The following AQP2 variants were observed in gnomAD, a reference collection of about 807,000 sequenced individuals.
AQP2 encodes aquaporin 2.
Under a neutral mutation model 21.6 loss-of-function variants are expected in AQP2, and 20 were observed. The ratio of observed to expected loss-of-function variants is 0.92; its 90% CI spans 0.65 to 1.34. AQP2 has a LOEUF of 1.34. AQP2 is among the 40% of genes most tolerant of loss of function. The pLI is 0.00. For synonymous variants in AQP2, 168 were observed against 166.9 expected (o/e 1.01, Z -0.05); for missense variants, 325 against 363.4 (o/e 0.89, Z 0.86).
intron 1 of AQP2, 113 bp downstream of exon 1, chr12:49,951,303 A>G (rs1210148486): frequency 1.4e-6 from 2 of 1,400,984 alleles, no homozygotes; most frequent in African/African-American, 2.9e-5. Flanking sequence ...ATGGAGACAG[A>G]GGCAGAGAGA....
chr12:49,951,540 C>A (rs563377708), intron 1 of AQP2: 2 of 308,896 alleles, frequency 6.5e-6, no homozygotes, highest in South Asian at 1.6e-4. Context: ...TTCCAAGCTG[C>A]GGGGAGCCTT....
rs1252893758 is a variant in AQP2 at position 49,957,082 on chromosome 12, C to T, written c.*1474C>T. ...ACTGTAATTCTTAATACCATTATCACGCATTACTAGAATCATTTCATTATT... is the reference window on the plus strand; with the variant it reads ...ACTGTAATTCTTAATACCATTATCATGCATTACTAGAATCATTTCATTATT... On this transcript the variant is annotated 3_prime_UTR_variant, in exon 4 of 4. Coordinates refer to ENST00000199280, the MANE Select transcript of AQP2 (RefSeq NM_000486.6). 1 of 152,664 alleles carries T rather than the reference C, an allele frequency of 6.6e-6. No homozygotes were observed. The highest frequency in any genetic ancestry group is 2.4e-5 in the African/African-American group (1 of 41,468). The allele number at this position is 152,664 out of a possible 1,614,324, so 9.5% of individuals were successfully genotyped here.
Position 49,957,835 on chromosome 12 carries a change from T to A in AQP2, c.*2227T>A, listed in dbSNP as rs1481896712. ...GCTATGAGCCCAGCATGGATGTGTC[T>A]CAGGCACCTCATCCCCACCCCACCT... On this transcript the variant is annotated 3_prime_UTR_variant, in exon 4 of 4. Coordinates refer to ENST00000199280, the MANE Select transcript of AQP2 (RefSeq NM_000486.6). The A allele has an allele frequency of 1.3e-5, 2 of 152,258 alleles. No individual in the cohort carries two copies. Among genetic ancestry groups the A allele is most frequent in the South Asian group, 2.1e-4 (1 of 4,824 alleles). The allele number at this position is 152,258 out of a possible 1,614,324, so 9.4% of individuals were successfully genotyped here. A position where few individuals can be genotyped will look rare whatever the true frequency, so the allele number is the denominator to read the frequency against.
In AQP2 at chr12:49,957,263, T is replaced by A. The variant is rs1947377927; in HGVS notation, c.*1655T>A. On this transcript the variant is annotated 3_prime_UTR_variant, in exon 4 of 4. Coordinates refer to ENST00000199280, the MANE Select transcript of AQP2 (RefSeq NM_000486.6). ...CTGGCCCCATCCTGGCCCAGCCTCT[T>A]AACCTCTTCTTACCCTGAATGTGTG... The A allele has an allele frequency of 6.6e-6, 1 of 152,206 alleles. No homozygotes were observed. Among genetic ancestry groups the A allele is most frequent in the Non-Finnish European group, 1.5e-5 (1 of 68,052 alleles). 9.4% of individuals were successfully genotyped at this position (152,206 alleles called of 1,614,324 possible). A position where few individuals can be genotyped will look rare whatever the true frequency, so the allele number is the denominator to read the frequency against.
At position 49,954,670 on chromosome 12, in the gene AQP2, T is replaced by C. The variant is rs1592816507; in HGVS notation, c.566T>C (p.Leu189Pro). Residue 189 changes from leucine to proline, a missense_variant, in exon 3 of 4, where the codon CTG becomes CCG. Transcript: ENST00000199280. ...TGCSMNPARS[L>P]APAVVTGKFD... is the part of the protein sequence containing the mutation. ...TGCTCTATGAATCCTGCCCGCTCCC[T>C]GGCTCCAGCTGTCGTCACTGGCAAA... 1 of 1,614,236 alleles carries C rather than the reference T, an allele frequency of 6.2e-7. No individual in the cohort carries two copies. Among genetic ancestry groups the C allele is most frequent in the Non-Finnish European group, 8.5e-7 (1 of 1,180,034 alleles).
chr12:49,955,737 T>G lies in AQP2; in HGVS notation c.*129T>G, dbSNP rs1266341949. 1 of 1,231,958 alleles carries G rather than the reference T, an allele frequency of 8.1e-7. No homozygotes were observed. Among genetic ancestry groups the G allele is most frequent in the Non-Finnish European group, 1.1e-6 (1 of 873,456 alleles). 76.3% of individuals were successfully genotyped at this position (1,231,958 alleles called of 1,614,324 possible). ...GCGCAGAGTAGCTGCTTCCTGGACG[T>G]GCGCGCCCAGGCCAGTGCTGTGAGC... On this transcript the variant is annotated 3_prime_UTR_variant, in exon 4 of 4. Coordinates refer to ENST00000199280, the MANE Select transcript of AQP2 (RefSeq NM_000486.6).
At chr12:49,955,360 C>CG (rs1565637047) in intron 3 of AQP2, 39 bp from the exon 4 acceptor site, 5 of 1,599,006 alleles carry the variant, frequency 3.1e-6, no homozygotes, top group East Asian at 2.3e-5. Context: ...GTGCCGGTGC[C>CG]GGCGCGGGTG....
rs752281925 is a variant in AQP2 at position 49,950,784 on chromosome 12, C to G, written c.-47C>G. 6 of 1,586,864 alleles carry G rather than the reference C, an allele frequency of 3.8e-6. No homozygotes were observed. The East Asian group carries it at 1.1e-4, about 30-fold the overall frequency. On this transcript the variant is annotated 5_prime_UTR_variant, in exon 1 of 4. Coordinates refer to ENST00000199280, the MANE Select transcript of AQP2 (RefSeq NM_000486.6). Reference sequence around the variant, plus strand: ...AGAGTGCGAGAGCGAGTGCCCGGAGCATCCTGGCCCTGAGACAGCTGGGCC... The same window carrying G: ...AGAGTGCGAGAGCGAGTGCCCGGAGGATCCTGGCCCTGAGACAGCTGGGCC...
rs758713528 is a variant in AQP2 at position 49,955,432 on chromosome 12, C to T, written c.640C>T (p.Leu214=). 9 of 1,612,654 alleles carry T rather than the reference C, an allele frequency of 5.6e-6. No individual in the cohort carries two copies. The highest frequency in any genetic ancestry group is 7.6e-6 in the Non-Finnish European group (9 of 1,179,804). Residue 214 remains leucine (L), a synonymous_variant, in exon 4 of 4, where the codon CTG becomes TTG. Coordinates refer to ENST00000199280, the MANE Select transcript of AQP2 (RefSeq NM_000486.6). ...FWIGPLVGAI[L]GSLLYNYVLF... ...GATCGGACCCCTGGTGGGCGCCATCCTGGGCTCCCTCCTCTACAACTACGT... is the reference window on the plus strand; with the variant it reads ...GATCGGACCCCTGGTGGGCGCCATCTTGGGCTCCCTCCTCTACAACTACGT...
rs138918672 is a variant in AQP2 at position 49,957,016 on chromosome 12, C to A, written c.*1408C>A. ...TACTACTGCTCTCAAAAGAGATTAA[C>A]TGGGATTAAGTGAGATGACGCATGT... On this transcript the variant is annotated 3_prime_UTR_variant, in exon 4 of 4. Coordinates refer to ENST00000199280, the MANE Select transcript of AQP2 (RefSeq NM_000486.6). 3 of 152,670 alleles carry A rather than the reference C, an allele frequency of 2.0e-5. No individual in the cohort carries two copies. Among genetic ancestry groups the A allele is most frequent in the Non-Finnish European group, 4.4e-5 (3 of 68,042 alleles). 9.5% of individuals were successfully genotyped at this position (152,670 alleles called of 1,614,324 possible). A position where few individuals can be genotyped will look rare whatever the true frequency, so the allele number is the denominator to read the frequency against.
At chr12:49,953,986 G>A in intron 1 of AQP2, 169 bp from the exon 2 acceptor site, 3 of 986,524 alleles carry the variant, frequency 3.0e-6, no homozygotes, top group Non-Finnish European at 4.6e-6. Context: ...TTGGGCCAGG[G>A]CCCAGGAAGA....
At chr12:49,954,984 G>C (rs1167165999) in intron 3 of AQP2, among the ~76,000 whole-genome samples, 1 of 152,212 alleles carries the variant, frequency 6.6e-6, no homozygotes, top group Non-Finnish European at 1.5e-5. Context: ...GCAGTGTCTG[G>C]CACTTAGAAC....
rs1414209809 is a variant in AQP2, at chr12:49,954,145, C to T, written c.361-10C>T. The T allele has an allele frequency of 1.6e-5, 25 of 1,598,142 alleles. No homozygotes were observed. The highest frequency in any genetic ancestry group is 2.1e-5 in the Non-Finnish European group (25 of 1,179,928). On this transcript the variant is annotated splice_polypyrimidine_tract_variant and intron_variant, in intron 1 of 3. Coordinates refer to ENST00000199280, the MANE Select transcript of AQP2 (RefSeq NM_000486.6). Reference sequence around the variant, plus strand: ...CAGTGTTCCCCTACCCGCCTCTTCTCTGTCCCCAGCTCAGCAACAGCACGA... The same window carrying T: ...CAGTGTTCCCCTACCCGCCTCTTCTTTGTCCCCAGCTCAGCAACAGCACGA...
rs893248234 is a variant in AQP2 at position 49,956,273 on chromosome 12, C to G, written c.*665C>G. ...TGAAGGGAGGGCCTTGATTTCCAGCCGCAATCTGGCTCCTCCTGGAAAATT... is the reference window on the plus strand; with the variant it reads ...TGAAGGGAGGGCCTTGATTTCCAGCGGCAATCTGGCTCCTCCTGGAAAATT... On this transcript the variant is annotated 3_prime_UTR_variant, in exon 4 of 4. Coordinates refer to ENST00000199280, the MANE Select transcript of AQP2 (RefSeq NM_000486.6). 2 of 152,574 alleles carry G rather than the reference C, an allele frequency of 1.3e-5. No homozygotes were observed. Among genetic ancestry groups the G allele is most frequent in the Non-Finnish European group, 2.9e-5 (2 of 68,342 alleles). The allele number at this position is 152,574 out of a possible 1,614,324, so 9.5% of individuals were successfully genotyped here. A position where few individuals can be genotyped will look rare whatever the true frequency, so the allele number is the denominator to read the frequency against.
chr12:49,952,473 C>A (rs959474298), intron 1 of AQP2, among the ~76,000 whole-genome samples: 1 of 152,184 alleles, frequency 6.6e-6, no homozygotes, highest in African/African-American at 2.4e-5. Flanking sequence ...GCTAGGTGGG[C>A]AAGCAGAGGA....
rs996173994 is a variant in AQP2 at position 49,955,733 on chromosome 12, G to A, written c.*125G>A. On this transcript the variant is annotated 3_prime_UTR_variant, in exon 4 of 4. Coordinates refer to ENST00000199280, the MANE Select transcript of AQP2 (RefSeq NM_000486.6). ...CCCAGCGCAGAGTAGCTGCTTCCTG[G>A]ACGTGCGCGCCCAGGCCAGTGCTGT... is the stretch of plus-strand genomic sequence containing the variant. The A allele has an allele frequency of 2.4e-6, 3 of 1,263,670 alleles. No individual in the cohort carries two copies. The African/African-American group carries it at 4.4e-5, about 19-fold the overall frequency. 78.3% of individuals were successfully genotyped at this position (1,263,670 alleles called of 1,614,324 possible).
rs979717096 is a variant in AQP2 at position 49,955,919 on chromosome 12, ACT to A, written c.*314_*315del. 1.3e-5 allele frequency: 7 copies of A among 559,066 alleles called. No homozygotes were observed. The African/African-American group carries it at 1.3e-4, about 11-fold the overall frequency. The allele number at this position is 559,066 out of a possible 1,614,324, so 34.6% of individuals were successfully genotyped here. On this transcript the variant is annotated 3_prime_UTR_variant, in exon 4 of 4. Coordinates refer to ENST00000199280, the MANE Select transcript of AQP2 (RefSeq NM_000486.6). Reference sequence around the variant, plus strand: ...GAGGCAGGTGGGTGGTAAGAGGGAAACTCTGGAGAGCCTGCACCCAGGTACTG... The same window carrying A: ...GAGGCAGGTGGGTGGTAAGAGGGAAACTGGAGAGCCTGCACCCAGGTACTG...
intron 3 of AQP2, 54 bp from the exon 4 acceptor site, chr12:49,955,345 T>G (rs1947358968): frequency 9.5e-6 from 15 of 1,575,190 alleles, no homozygotes; most frequent in Non-Finnish European, 1.3e-5. Flanking sequence ...GCCTGCGGGC[T>G]CCGCGTGCCG....
At position 49,950,916 on chromosome 12, in the gene AQP2, G is replaced by T; in HGVS notation, c.86G>T (p.Gly29Val). 6.2e-7 allele frequency: 1 copy of T among 1,614,198 alleles called. No homozygotes were observed. The highest frequency in any genetic ancestry group is 8.5e-7 in the Non-Finnish European group (1 of 1,180,002). The change falls in exon 1 of 4, where the codon GGC becomes GTC. Residue 29 changes from glycine (G) to valine (V), a missense_variant. Transcript: ENST00000199280. ...CTCCTCTTCGTCTTCTTTGGCCTCG[G>T]CTCTGCCCTCAACTGGCCACAGGCC... ...ATLLFVFFGL[G>V]SALNWPQALP...
Sources: allele counts gnomAD v4.1 joint callset (sites outside exome capture counted in the v4.1 genomes callset), GRCh38; gene constraint gnomAD v4.1.1; transcripts MANE v1.5; gene names NCBI Gene and HGNC (gene_info 2026-07-23, HGNC 2026-07-21).